Variants in CCNY observed in about 807,000 individuals in gnomAD.
The protein encoded by CCNY is cyclin-Y.
In CCNY, 19 loss-of-function variants were observed where a neutral mutation model predicts 42.8. That is an observed-to-expected ratio of 0.44 (90% CI 0.31 to 0.65). CCNY has a LOEUF of 0.65. CCNY is among the 30% of genes least tolerant of loss of function. CCNY has a pLI of 0.07. For synonymous variants in CCNY, 165 were observed against 162.7 expected, an observed-to-expected ratio of 1.01 and a Z score of -0.11; for missense variants, 370 against 437.3, an observed-to-expected ratio of 0.85 and a Z score of 1.37.
chr10:35,376,150 T>C (rs1837047193), intron 1 of CCNY, among the ~76,000 whole-genome samples: 1 of 152,200 alleles, frequency 6.6e-6, no homozygotes, highest in African/African-American at 2.4e-5. Context: ...ACAGCAGTTA[T>C]TAAACTTTTT....
intron 1 of CCNY, among the ~76,000 whole-genome samples, chr10:35,465,953 G>GTGTC (rs1554791673): frequency 6.6e-6 from 1 of 151,470 alleles, no homozygotes; most frequent in East Asian, 1.9e-4. Flanking sequence ...GTGTGTGTGT[G>GTGTC]TGTGTGTCTG....
intron 1 of CCNY, among the ~76,000 whole-genome samples, chr10:35,339,511 G>C (rs1836127904): frequency 6.6e-6 from 1 of 152,112 alleles, no homozygotes; most frequent in Non-Finnish European, 1.5e-5. Context: ...TTGATTGTTA[G>C]GTTATTAGTA....
rs1359865157 is a variant in CCNY at position 35,317,123 on chromosome 10, A to C, written c.-9+66497A>C. Reference sequence around the variant, plus strand: ...CAGTTTCCCAAAGAGCTGGGATTACAGGCGTGAACCATTGTGCAGGGCCCA... The same window carrying C: ...CAGTTTCCCAAAGAGCTGGGATTACCGGCGTGAACCATTGTGCAGGGCCCA... On this transcript the variant is annotated intron_variant, in intron 3 of 11. Coordinates refer to the CCNY transcript ENST00000374706. Among the ~76,000 whole-genome samples, 7 of 152,200 alleles carry C rather than the reference A, an allele frequency of 4.6e-5. No homozygotes were observed. The East Asian group carries it at 1.3e-3, about 29-fold the overall frequency.
intron 1 of CCNY, among the ~76,000 whole-genome samples, chr10:35,481,845 T>A (rs969034778): frequency 3.3e-5 from 5 of 152,236 alleles, no homozygotes; most frequent in Admixed American, 1.3e-4. Context: ...CAGAGTCATT[T>A]TCACCATGAA....
intron 2 of CCNY, among the ~76,000 whole-genome samples, chr10:35,493,778 G>A (rs1839950162): frequency 6.6e-6 from 1 of 152,138 alleles, no homozygotes; most frequent in African/African-American, 2.4e-5. Flanking sequence ...TTGTCAGGAG[G>A]ACTAAATGCA....
intron 5 of CCNY, among the ~76,000 whole-genome samples, chr10:35,529,537 A>G (rs1372972319): frequency 6.6e-6 from 1 of 152,320 alleles, no homozygotes; most frequent in South Asian, 2.1e-4. Context: ...TTATTCATGA[A>G]TAACCATTTA....
chr10:35,351,909 C>T (rs1836437687), intron 1 of CCNY, among the ~76,000 whole-genome samples: 1 of 152,172 alleles, frequency 6.6e-6, no homozygotes, highest in Non-Finnish European at 1.5e-5. Context: ...ATTTATTATA[C>T]ACTTTGGTGG....
intron 1 of CCNY, among the ~76,000 whole-genome samples, chr10:35,440,831 A>G (rs1445155224): frequency 6.6e-6 from 1 of 152,278 alleles, no homozygotes; most frequent in Non-Finnish European, 1.5e-5. Flanking sequence ...TAATTATGCT[A>G]CAAGAGAGGT....
At chr10:35,324,535 A>G (rs1835857534) in intron 3 of CCNY, among the ~76,000 whole-genome samples, 2 of 152,376 alleles carry the variant, frequency 1.3e-5, no homozygotes, top group East Asian at 1.9e-4. Flanking sequence ...CTGTGGTCTC[A>G]AGGAGCTGAA....
At chr10:35,372,375 C>CT (rs1318295454) in intron 1 of CCNY, among the ~76,000 whole-genome samples, 1 of 152,198 alleles carries the variant, frequency 6.6e-6, no homozygotes, top group Non-Finnish European at 1.5e-5. Context: ...AAAAGTCAGT[C>CT]TTCTGTGGTC....
intron 1 of CCNY, among the ~76,000 whole-genome samples, chr10:35,431,743 G>C (rs552357821): frequency 6.6e-6 from 1 of 152,014 alleles, no homozygotes; most frequent in African/African-American, 2.4e-5. Context: ...CGGGTCCCAG[G>C]CTCAGGCTTG....
intron 1 of CCNY, among the ~76,000 whole-genome samples, chr10:35,426,050 A>C (rs1838258119): frequency 6.7e-6 from 1 of 149,430 alleles, no homozygotes; most frequent in African/African-American, 2.5e-5. Context: ...GTCTTCTGCC[A>C]TCTGGGTTCC....
intron 3 of CCNY, among the ~76,000 whole-genome samples, chr10:35,265,368 GT>G (rs1026145873): frequency 1.3e-5 from 2 of 152,218 alleles, no homozygotes; most frequent in African/African-American, 4.8e-5. Context: ...GAAGATTAGT[GT>G]TCTTTTTAAC....
chr10:35,278,842 G>T (rs1197989293), intron 3 of CCNY, among the ~76,000 whole-genome samples: 1 of 152,194 alleles, frequency 6.6e-6, no homozygotes, highest in Non-Finnish European at 1.5e-5. Context: ...CACTGGCCCC[G>T]AGAGGGGATC....
chr10:35,441,051 G>A (rs983190099), intron 1 of CCNY, among the ~76,000 whole-genome samples: 1 of 152,096 alleles, frequency 6.6e-6, no homozygotes, highest in Non-Finnish European at 1.5e-5. Flanking sequence ...TATATTGTTA[G>A]CACCACTTAT....
At chr10:35,460,119 C>T (rs975952512) in intron 1 of CCNY, among the ~76,000 whole-genome samples, 21 of 152,244 alleles carry the variant, frequency 1.4e-4, no homozygotes, top group Middle Eastern at 3.4e-3. Flanking sequence ...AAAGAATGGC[C>T]TTTGTTTCAG....
At chr10:35,446,177 T>C (rs1389965710) in intron 1 of CCNY, among the ~76,000 whole-genome samples, 2 of 152,244 alleles carry the variant, frequency 1.3e-5, no homozygotes, top group Non-Finnish European at 2.9e-5. Flanking sequence ...GTTGATTGTT[T>C]GCTGATCAAC....
intron 3 of CCNY, among the ~76,000 whole-genome samples, chr10:35,265,580 G>C (rs1317192816): frequency 1.3e-5 from 2 of 152,260 alleles, no homozygotes; most frequent in African/African-American, 2.4e-5. Context: ...CCAGCGTTGA[G>C]AGCTGGGGGA....
chr10:35,498,955 C>T (rs993759075), intron 2 of CCNY, among the ~76,000 whole-genome samples: 3 of 152,168 alleles, frequency 2.0e-5, no homozygotes, highest in Non-Finnish European at 4.4e-5. Flanking sequence ...GATAGCTTAT[C>T]CTCAGGTGTT....
Sources: gnomAD v4.1 joint callset for allele counts (sites outside exome capture counted in the v4.1 genomes callset) on GRCh38, gnomAD v4.1.1 for gene constraint, MANE v1.5 for transcripts, NCBI Gene and HGNC (gene_info 2026-07-23, HGNC 2026-07-21) for gene names.